SPMIP9: variants seen among roughly 807,000 people sequenced by gnomAD.
The protein encoded by SPMIP9 is protein SPMIP9.
the SPMIP9 span, among the ~76,000 whole-genome samples, chr2:88,527,674 T>C: frequency 2.0e-5 from 3 of 152,180 alleles, no homozygotes; most frequent in Non-Finnish European, 4.4e-5. Flanking sequence ...ATCTGTCTCT[T>C]CTTATTGGTG....
the SPMIP9 span, chr2:88,529,166 A>G: frequency 6.2e-7 from 1 of 1,614,128 alleles, no homozygotes; most frequent in Non-Finnish European, 8.5e-7. Context: ...CATGACTGCC[A>G]AAGACCTGGG....
At chr2:88,529,179 T>TC in the SPMIP9 span, 1 of 1,614,152 alleles carries the variant, frequency 6.2e-7, no homozygotes, top group Admixed American at 1.7e-5. Context: ...GACCTGGGAC[T>TC]CCCCGGCTTC....
the SPMIP9 span, chr2:88,525,572 G>GA: frequency 6.3e-7 from 1 of 1,589,082 alleles, no homozygotes; most frequent in African/African-American, 1.3e-5. Flanking sequence ...GGCACAGCTT[G>GA]AAGATAGTGG....
the SPMIP9 span, among the ~76,000 whole-genome samples, chr2:88,528,184 C>CTGCAG: frequency 2.7e-5 from 4 of 148,122 alleles, no homozygotes; most frequent in Admixed American, 6.8e-5. Context: ...GTTGCCCAGG[C>CTGCAG]TGCAGTGCAG....
the SPMIP9 span, chr2:88,526,340 T>G: frequency 7.7e-7 from 1 of 1,304,428 alleles, no homozygotes; most frequent in South Asian, 1.2e-5. Flanking sequence ...CAAGAAGCCA[T>G]TGAATGGCTT....
the SPMIP9 span, chr2:88,528,909 G>A: frequency 1.3e-6 from 1 of 785,662 alleles, no homozygotes; most frequent in Non-Finnish European, 2.0e-6. Flanking sequence ...CATTCCCTCT[G>A]TTGTATATGT....
chr2:88,529,541 A>G, the SPMIP9 span: 1 of 1,356,472 alleles, frequency 7.4e-7, no homozygotes, highest in Non-Finnish European at 1.0e-6. Flanking sequence ...CTTGGAGTGC[A>G]GAGAGGAGAA....
chr2:88,529,282 C>T, the SPMIP9 span: 2 of 1,614,206 alleles, frequency 1.2e-6, no homozygotes, highest in Non-Finnish European at 1.7e-6. Context: ...ACGATCTGCA[C>T]CTGGCCCAGG....
the SPMIP9 span, chr2:88,529,318 T>C: frequency 2.5e-6 from 4 of 1,614,084 alleles, no homozygotes; most frequent in Non-Finnish European, 1.7e-6. Context: ...TCCTCCAGAG[T>C]GCTGACTTTC....
chr2:88,525,744 C>T, the SPMIP9 span: 1 of 1,496,520 alleles, frequency 6.7e-7, no homozygotes, highest in Non-Finnish European at 9.3e-7. Context: ...CTGGAAGGGC[C>T]AGGCTCTTTC....
At chr2:88,527,132 C>T in the SPMIP9 span, among the ~76,000 whole-genome samples, 1 of 152,072 alleles carries the variant, frequency 6.6e-6, no homozygotes, top group African/African-American at 2.4e-5. Context: ...CTCTTGGTAA[C>T]CCGCAAACTT....
At chr2:88,525,622 T>C in the SPMIP9 span, 2 of 1,614,112 alleles carry the variant, frequency 1.2e-6, no homozygotes, top group South Asian at 2.2e-5. Flanking sequence ...CTAAACAACT[T>C]GTCTGTGTCT....
the SPMIP9 span, among the ~76,000 whole-genome samples, chr2:88,528,281 GCA>G: frequency 1.3e-5 from 2 of 151,178 alleles, no homozygotes; most frequent in African/African-American, 4.9e-5. Context: ...GGGATTACAG[GCA>G]TGCACCACGA....
the SPMIP9 span, among the ~76,000 whole-genome samples, chr2:88,527,238 C>A: frequency 6.6e-6 from 1 of 152,122 alleles, no homozygotes; most frequent in Middle Eastern, 3.4e-3. Context: ...GAGGCAGAGG[C>A]GGCCAGGAGT....
At chr2:88,525,748 C>T in the SPMIP9 span, 4 of 1,468,828 alleles carry the variant, frequency 2.7e-6, no homozygotes, top group Admixed American at 1.8e-5. Context: ...AAGGGCCAGG[C>T]TCTTTCTAGA....
chr2:88,525,410 C>A, the SPMIP9 span, among the ~76,000 whole-genome samples: 1 of 152,184 alleles, frequency 6.6e-6, no homozygotes, highest in African/African-American at 2.4e-5. Context: ...TTCTAAACAG[C>A]CCTCATTCCT....
At chr2:88,525,696 C>G in the SPMIP9 span, 1 of 1,613,890 alleles carries the variant, frequency 6.2e-7, no homozygotes. Flanking sequence ...TTTCTGTCCC[C>G]TGTGACGGTC....
At chr2:88,526,148 G>A in the SPMIP9 span, among the ~76,000 whole-genome samples, 1 of 152,148 alleles carries the variant, frequency 6.6e-6, no homozygotes, top group Non-Finnish European at 1.5e-5. Flanking sequence ...AGTCTGTGAG[G>A]AGGGCAACTT....
chr2:88,524,996 C>T, the SPMIP9 span, among the ~76,000 whole-genome samples: 1 of 152,150 alleles, frequency 6.6e-6, no homozygotes, highest in African/African-American at 2.4e-5. Context: ...AGTGTTAGGC[C>T]TACAAACTAC....
Sources: allele counts gnomAD v4.1 joint callset (sites outside exome capture counted in the v4.1 genomes callset), GRCh38; gene constraint gnomAD v4.1.1; transcripts MANE v1.5; gene names NCBI Gene and HGNC (gene_info 2026-07-23, HGNC 2026-07-21).